Variants in PLSCR2 observed in about 807,000 individuals in gnomAD.
PLSCR2 encodes PL scramblase 2.
In PLSCR2, 18 loss-of-function variants were observed where a neutral mutation model predicts 25.3. The ratio of observed to expected loss-of-function variants is 0.71; its 90% CI spans 0.49 to 1.06. The LOEUF (loss-of-function observed/expected upper bound fraction) is 1.06. PLSCR2 is among the 50% of genes least tolerant of loss of function. The pLI, the probability that PLSCR2 is intolerant of heterozygous loss-of-function variation, is 0.00. For synonymous variants in PLSCR2, 88 were observed against 87.3 expected, an observed-to-expected ratio of 1.01 and a Z score of -0.04; for missense variants, 243 against 269.5, an observed-to-expected ratio of 0.90 and a Z score of 0.69.
intron 1 of PLSCR2, among the ~76,000 whole-genome samples, chr3:146,466,483 T>C (rs1258505047): frequency 6.6e-6 from 1 of 152,192 alleles, no homozygotes; most frequent in African/African-American, 2.4e-5. Flanking sequence ...GAATTGTATA[T>C]TAAACCTTGA....
chr3:146,426,257 C>T (rs956153232), intron 2 of PLSCR2, among the ~76,000 whole-genome samples: 1 of 139,976 alleles, frequency 7.1e-6, no homozygotes, highest in Non-Finnish European at 1.5e-5. Context: ...CTCTCTCCCT[C>T]CTTCCTTCCT....
intron 2 of PLSCR2, among the ~76,000 whole-genome samples, chr3:146,424,457 A>T (rs2039266699): frequency 6.6e-6 from 1 of 152,112 alleles, no homozygotes; most frequent in African/African-American, 2.4e-5. Context: ...AGTAAGATTC[A>T]TTTTAGACTT....
chr3:146,409,393 G>A (rs189131099), intron 2 of PLSCR2, among the ~76,000 whole-genome samples: 14 of 152,224 alleles, frequency 9.2e-5, no homozygotes, highest in South Asian at 2.1e-4. Context: ...GGAGCGAGCC[G>A]GCTGAGGGTA....
At chr3:146,482,997 GT>G (rs1425191577) in intron 1 of PLSCR2, among the ~76,000 whole-genome samples, 3 of 151,274 alleles carry the variant, frequency 2.0e-5, no homozygotes, top group African/African-American at 7.3e-5. Flanking sequence ...ACACCATAGT[GT>G]TGGAAGTTCT....
chr3:146,465,842 A>G (rs113368609), intron 1 of PLSCR2, among the ~76,000 whole-genome samples: 316 of 152,338 alleles, frequency 2.1e-3, no homozygotes, highest in Non-Finnish European at 3.5e-3. Context: ...TGATATGTAA[A>G]TTTTATGCAC....
intron 1 of PLSCR2, 51 bp from the exon 1 acceptor site, chr3:146,469,612 G>A: frequency 1.0e-6 from 1 of 979,936 alleles, no homozygotes; most frequent in Non-Finnish European, 1.2e-6. Flanking sequence ...GGAAGTCGGC[G>A]GAAAAGGGGC....
At chr3:146,402,095 TAAAA>T (rs1266692003) in intron 2 of PLSCR2, among the ~76,000 whole-genome samples, 1 of 151,950 alleles carries the variant, frequency 6.6e-6, no homozygotes, top group East Asian at 1.9e-4. Context: ...CCCTAAAACT[TAAAA>T]AAGTTTTAGG....
At chr3:146,402,897 T>C (rs1166320826) in intron 2 of PLSCR2, among the ~76,000 whole-genome samples, 2 of 152,184 alleles carry the variant, frequency 1.3e-5, no homozygotes, top group African/African-American at 4.8e-5. Flanking sequence ...ATGTACACAT[T>C]TTCATTTGAT....
intron 2 of PLSCR2, among the ~76,000 whole-genome samples, chr3:146,412,504 G>C (rs2038887898): frequency 6.6e-6 from 1 of 152,112 alleles, no homozygotes; most frequent in South Asian, 2.1e-4. Flanking sequence ...TTGCACTTGG[G>C]CCTGCTCGAG....
At chr3:146,470,876 C>A (rs371315850) in intron 1 of PLSCR2, among the ~76,000 whole-genome samples, 2 of 152,060 alleles carry the variant, frequency 1.3e-5, no homozygotes, top group African/African-American at 4.8e-5. Flanking sequence ...GTTTTCTAAT[C>A]GGTAAAATGA....
chr3:146,393,029 T>C (rs1297923955), intron 3 of PLSCR2, among the ~76,000 whole-genome samples: 1 of 119,610 alleles, frequency 8.4e-6, no homozygotes, highest in African/African-American at 3.7e-5. Context: ...TTACATTCCT[T>C]TTTTTTTTTT....
chr3:146,451,574 T>G (rs1226099398), intron 5 of PLSCR2, among the ~76,000 whole-genome samples: 1 of 152,176 alleles, frequency 6.6e-6, no homozygotes. Context: ...GCAATAAATC[T>G]TTTATATACT....
At chr3:146,448,047 A>T (rs1453708014) in intron 6 of PLSCR2, among the ~76,000 whole-genome samples, 3 of 152,060 alleles carry the variant, frequency 2.0e-5, no homozygotes, top group Admixed American at 6.6e-5. Context: ...CCAGAAAGCC[A>T]CTGCCGGGTA....
rs147822785 is a variant in PLSCR2 at position 146,466,455 on chromosome 3, C to T, written c.-292-6171G>A. On this transcript the variant is annotated intron_variant, in intron 1 of 8. Coordinates refer to the PLSCR2 transcript ENST00000336685. ...AAGCGCTGGGATTACAGGTGTGGAC[C>T]ACCACACCTGGCCTATAGAATTGTA... Among the ~76,000 whole-genome samples, 808 of 152,252 alleles carry T rather than the reference C, an allele frequency of 5.3e-3. 5 individuals are homozygous for T. Among genetic ancestry groups the T allele is most frequent in the African/African-American group, 0.018 (765 of 41,550 alleles).
At chr3:146,478,392 C>A (rs373171797) in intron 1 of PLSCR2, among the ~76,000 whole-genome samples, 201 of 152,100 alleles carry the variant, frequency 1.3e-3, no homozygotes, top group African/African-American at 4.7e-3. Context: ...GTAGAGAAAA[C>A]CCTAAATGAA....
At chr3:146,479,964 G>A (rs499638) in intron 1 of PLSCR2, among the ~76,000 whole-genome samples, 55,029 of 151,896 alleles carry the variant, frequency 0.36, 10,444 homozygotes, top group African/African-American at 0.49. Context: ...ATGGAAACTG[G>A]ACAACCTGCT....
intron 1 of PLSCR2, among the ~76,000 whole-genome samples, chr3:146,480,494 TG>T (rs2043091452): frequency 6.6e-6 from 1 of 151,908 alleles, no homozygotes; most frequent in African/African-American, 2.4e-5. Flanking sequence ...CTAGAAGAAA[TG>T]GATAAATTCC....
At chr3:146,453,458 C>A (rs1381169767) in intron 5 of PLSCR2, among the ~76,000 whole-genome samples, 1 of 152,000 alleles carries the variant, frequency 6.6e-6, no homozygotes, top group Non-Finnish European at 1.5e-5. Context: ...AATATAGAGA[C>A]ATATGGTGGT....
intron 2 of PLSCR2, among the ~76,000 whole-genome samples, chr3:146,398,016 T>C (rs2038330518): frequency 6.6e-6 from 1 of 151,996 alleles, no homozygotes; most frequent in Non-Finnish European, 1.5e-5. Context: ...AATTTCTTAC[T>C]AGATATTTTA....
Sources: allele counts gnomAD v4.1 joint callset (sites outside exome capture counted in the v4.1 genomes callset), GRCh38; gene constraint gnomAD v4.1.1; transcripts MANE v1.5; gene names NCBI Gene and HGNC (gene_info 2026-07-23, HGNC 2026-07-21).